The following PTBP1 variants were observed in gnomAD, a reference collection of about 807,000 sequenced individuals.
The protein encoded by PTBP1 is polypyrimidine tract binding protein 1, also known as polypyrimidine tract-binding protein 1.
A neutral mutation model predicts 59.8 loss-of-function variants in PTBP1; 8 were observed. The ratio of observed to expected loss-of-function variants is 0.13; its 90% CI spans 0.08 to 0.24. The LOEUF (loss-of-function observed/expected upper bound fraction) is 0.24, where lower values mean the gene tolerates loss of function less well. Among genes scored for constraint, PTBP1 ranks in the 10% least tolerant of loss-of-function variants. The probability of loss-of-function intolerance (pLI) is 1.00; values close to 1 mark genes in which losing one functional copy is unlikely to be tolerated. For missense variants in PTBP1, 686 were observed against 767.0 expected (o/e 0.89, Z 1.25); for synonymous variants, 490 against 320.7 (o/e 1.53, Z -5.64).
At chr19:805,246 C>T in intron 8 of PTBP1, 59 bp downstream of exon 8, 1 of 1,575,646 alleles carries the variant, frequency 6.3e-7, no homozygotes. Flanking sequence ...GCCGCTCAGT[C>T]CGGAGCCCCG....
chr19:805,206 C>A lies in PTBP1; in HGVS notation c.892+19C>A, dbSNP rs566993015. ...GCCTTCGGTAAGAGGCTGCCCGACG[C>A]GGCGCCAGTGTGCAGAGTGGTCTAT... On this transcript the variant is annotated intron_variant, in intron 8 of 14. Transcript: ENST00000356948. 6.2e-7 allele frequency: 1 copy of A among 1,611,674 alleles called. No homozygotes were observed. Among genetic ancestry groups the A allele is most frequent in the Non-Finnish European group, 8.5e-7 (1 of 1,179,038 alleles).
In PTBP1 at chr19:811,448, A is replaced by T. The variant is rs2034869078; in HGVS notation, c.*622A>T. The T allele has an allele frequency of 6.6e-6, 1 of 152,476 alleles. No homozygotes were observed. Among genetic ancestry groups the T allele is most frequent in the Non-Finnish European group, 1.5e-5 (1 of 68,042 alleles). The allele number at this position is 152,476 out of a possible 1,614,324, so 9.4% of individuals were successfully genotyped here. A position where few individuals can be genotyped will look rare whatever the true frequency, so the allele number is the denominator to read the frequency against. On this transcript the variant is annotated 3_prime_UTR_variant, in exon 15 of 15. Coordinates refer to ENST00000356948, the MANE Select transcript of PTBP1 (RefSeq NM_002819.5). The stretch of plus-strand genomic sequence containing the variant: ...ATAATCTCTGTATTATATACTTTGC[A>T]GTTGCAGACGTCTGTGCCTAGCAAT...
In PTBP1 at chr19:811,498, ATC is replaced by A. The variant is rs1440815780; in HGVS notation, c.*674_*675del. ...TATTTCCAGTTGACCAAATATTCTA[ATC>A]TTTTTTCATTTATATGCAAAAGAAA... On this transcript the variant is annotated 3_prime_UTR_variant, in exon 15 of 15. Coordinates refer to ENST00000356948, the MANE Select transcript of PTBP1 (RefSeq NM_002819.5). 2 of 152,486 alleles carry A rather than the reference ATC, an allele frequency of 1.3e-5. No homozygotes were observed. Among genetic ancestry groups the A allele is most frequent in the African/African-American group, 4.8e-5 (2 of 41,472 alleles). 9.4% of individuals were successfully genotyped at this position (152,486 alleles called of 1,614,324 possible).
At chr19:809,095 G>T (rs188438595) in intron 13 of PTBP1, among the ~76,000 whole-genome samples, 1 of 152,012 alleles carries the variant, frequency 6.6e-6, no homozygotes, top group Non-Finnish European at 1.5e-5. Flanking sequence ...TGCAACCTCC[G>T]CCTCTTGGGT....
chr19:808,057 G>T lies in PTBP1; in HGVS notation c.1153+155G>T. Reference sequence around the variant, plus strand: ...GCTTTCGGTTTGCGAATTTTATTTGGTCCCGTAGATACGTACGCATGGTTT... The same window carrying T: ...GCTTTCGGTTTGCGAATTTTATTTGTTCCCGTAGATACGTACGCATGGTTT... On this transcript the variant is annotated intron_variant, in intron 11 of 14. Transcript: ENST00000356948. This position sits in a 1 kb window ranked among gnomAD's most constrained non-coding sequence, Gnocchi z 4.7. 2 of 746,062 alleles carry T rather than the reference G, an allele frequency of 2.7e-6. No individual in the cohort carries two copies. The highest frequency in any genetic ancestry group is 2.4e-6 in the Non-Finnish European group (1 of 423,390). 46.2% of individuals were successfully genotyped at this position (746,062 alleles called of 1,614,324 possible). A position where few individuals can be genotyped will look rare whatever the true frequency, so the allele number is the denominator to read the frequency against.
intron 9 of PTBP1, chr19:805,791 G>A (rs928028737): frequency 1.4e-5 from 8 of 570,174 alleles, no homozygotes; most frequent in African/African-American, 9.4e-5. Flanking sequence ...CCAGCCAGAA[G>A]CCGCTAATCG....
chr19:804,861 C>A lies in PTBP1; in HGVS notation c.639C>A (p.Ile213=), dbSNP rs766745684. Residue 213 remains isoleucine (I), a synonymous_variant, in exon 7 of 15, where the codon ATC becomes ATA. Transcript: ENST00000356948. ...IFSKFGTVLK[I]ITFTKNNQFQ... ...CCAAGTTCGGCACAGTGTTGAAGATCATCACCTTCACCAAGAACAACCAGT... is the reference window on the plus strand; with the variant it reads ...CCAAGTTCGGCACAGTGTTGAAGATAATCACCTTCACCAAGAACAACCAGT... 6 of 1,613,958 alleles carry A rather than the reference C, an allele frequency of 3.7e-6. No homozygotes were observed. In the South Asian group the frequency reaches 4.4e-5, roughly 12 times the overall value.
intron 10 of PTBP1, 157 bp downstream of exon 10, chr19:806,713 A>G (rs757375146): frequency 1.6e-6 from 1 of 614,250 alleles, no homozygotes; most frequent in Non-Finnish European, 2.6e-6. Flanking sequence ...CTCCTTTTCC[A>G]AGATGGCTTG....
chr19:806,179 C>T (rs2034561661), intron 9 of PTBP1: 2 of 471,250 alleles, frequency 4.2e-6, no homozygotes, highest in Non-Finnish European at 7.4e-6. Flanking sequence ...CAGATGAGCC[C>T]AGGCCCGGCC....
At chr19:805,937 G>T (rs1352175828) in intron 9 of PTBP1, 1 of 303,118 alleles carries the variant, frequency 3.3e-6, no homozygotes. Context: ...CAGCATGACC[G>T]GCGGCGGGAC....
chr19:801,079 T>G (rs1435114447), intron 2 of PTBP1, among the ~76,000 whole-genome samples: 1 of 150,782 alleles, frequency 6.6e-6, no homozygotes, highest in Non-Finnish European at 1.5e-5. Context: ...CGCTGTCCTT[T>G]AGCCCAGGAC....
At chr19:797,671 A>G (rs111794155) in intron 1 of PTBP1, among the ~76,000 whole-genome samples, 166 bp downstream of exon 1, 2,247 of 148,592 alleles carry the variant, frequency 0.015, 56 homozygotes, top group African/African-American at 0.05. Context: ...GGGGCGGGTC[A>G]GGGGCTTCCC....
Position 810,796 on chromosome 19 carries a change from G to C in PTBP1, c.1644G>C (p.Leu548=). 1 of 1,592,362 alleles carries C rather than the reference G, an allele frequency of 6.3e-7. No homozygotes were observed. Among genetic ancestry groups the C allele is most frequent in the Non-Finnish European group, 8.5e-7 (1 of 1,172,730 alleles). Residue 548 remains leucine (L), a synonymous_variant, in exon 15 of 15, where the codon CTG becomes CTC. Coordinates refer to ENST00000356948, the MANE Select transcript of PTBP1 (RefSeq NM_002819.5). ...HNHDLGENHH[L]RVSFSKSTI ...ACGACCTCGGGGAGAACCACCACCT[G>C]CGGGTCTCCTTCTCCAAGTCCACCA... is the stretch of plus-strand genomic sequence containing the variant.
intron 13 of PTBP1, among the ~76,000 whole-genome samples, chr19:809,772 A>G (rs1249995553): frequency 6.6e-6 from 1 of 152,182 alleles, no homozygotes; most frequent in Non-Finnish European, 1.5e-5. Flanking sequence ...TGTGCACGTC[A>G]GGTCCCAGCT....
In PTBP1 at chr19:811,438, T is replaced by C. The variant is rs976807631; in HGVS notation, c.*612T>C. 2.0e-5 allele frequency: 3 copies of C among 152,504 alleles called. No homozygotes were observed. Among genetic ancestry groups the C allele is most frequent in the Non-Finnish European group, 2.9e-5 (2 of 68,062 alleles). The allele number at this position is 152,504 out of a possible 1,614,324, so 9.4% of individuals were successfully genotyped here. On this transcript the variant is annotated 3_prime_UTR_variant, in exon 15 of 15. Transcript: ENST00000356948. ...GCTGGTCGACATAATCTCTGTATTATATACTTTGCAGTTGCAGACGTCTGT... is the reference window on the plus strand; with the variant it reads ...GCTGGTCGACATAATCTCTGTATTACATACTTTGCAGTTGCAGACGTCTGT...
intron 13 of PTBP1, among the ~76,000 whole-genome samples, chr19:810,287 CAG>C (rs984348660): frequency 2.6e-5 from 4 of 151,168 alleles, no homozygotes; most frequent in South Asian, 2.1e-4. Flanking sequence ...GCCTGGGCGA[CAG>C]AGCAAGATTC....
chr19:801,239 A>G (rs2034319012), intron 2 of PTBP1, among the ~76,000 whole-genome samples: 1 of 152,212 alleles, frequency 6.6e-6, no homozygotes, highest in Admixed American at 6.5e-5. Context: ...GGTACCTGGC[A>G]GCTGCTGTGA....
chr19:807,651 C>A, intron 10 of PTBP1: 1 of 493,286 alleles, frequency 2.0e-6, no homozygotes, highest in East Asian at 3.4e-5. Flanking sequence ...TGAAACAAAA[C>A]AAAAACATAA....
At chr19:802,419 T>A (rs1187181613) in intron 2 of PTBP1, among the ~76,000 whole-genome samples, 2 of 114,804 alleles carry the variant, frequency 1.7e-5, no homozygotes, top group Admixed American at 1.0e-4. Flanking sequence ...GGCAGCTCCT[T>A]GACCAGGCAT....
Sources: allele counts gnomAD v4.1 joint callset (sites outside exome capture counted in the v4.1 genomes callset), GRCh38; gene constraint gnomAD v4.1.1; non-coding constraint Gnocchi (gnomAD v3.1); transcripts MANE v1.5; gene names NCBI Gene and HGNC (gene_info 2026-07-23, HGNC 2026-07-21).